GBE1: variants seen among roughly 807,000 people sequenced by gnomAD.
The protein encoded by GBE1 is 1,4-alpha-glucan branching enzyme 1, also known as 1,4-alpha-glucan-branching enzyme.
A neutral mutation model predicts 88.8 loss-of-function variants in GBE1; 70 were observed. That is an observed-to-expected ratio of 0.79 (90% CI 0.65 to 0.96). The LOEUF (loss-of-function observed/expected upper bound fraction) is 0.96, where lower values mean the gene tolerates loss of function less well. Ranked by LOEUF, GBE1 falls within the 40% of genes least tolerant of loss-of-function variation. The pLI, the probability that GBE1 is intolerant of heterozygous loss-of-function variation, is 0.00. For synonymous variants in GBE1, 284 were observed against 300.1 expected (o/e 0.95, Z 0.56); for missense variants, 872 against 871.0 (o/e 1.00, Z -0.01).
intron 1 of GBE1, among the ~76,000 whole-genome samples, chr3:81,709,724 ACTAAGTAT>A (rs1705829919): frequency 6.6e-6 from 1 of 152,298 alleles, no homozygotes; most frequent in African/African-American, 2.4e-5. Flanking sequence ...TATTACTTTA[ACTAAGTAT>A]CTTGACTTCC....
intron 12 of GBE1, among the ~76,000 whole-genome samples, chr3:81,575,885 C>T (rs957240927): frequency 6.6e-6 from 1 of 152,056 alleles, no homozygotes; most frequent in African/African-American, 2.4e-5. Context: ...GTATTTGTTA[C>T]TTTAAAAAAA....
At chr3:81,610,266 T>G (rs1294133481) in intron 7 of GBE1, among the ~76,000 whole-genome samples, 2 of 152,200 alleles carry the variant, frequency 1.3e-5, no homozygotes, top group South Asian at 2.1e-4. Context: ...TGATACAGCA[T>G]GTTAATCAGT....
At chr3:81,737,375 A>G (rs1437109476) in intron 1 of GBE1, among the ~76,000 whole-genome samples, 147 of 35,004 alleles carry the variant, frequency 4.2e-3, no homozygotes, top group Non-Finnish European at 7.6e-3. Context: ...ATTTATATAT[A>G]TTTTTATATA....
At chr3:81,752,269 T>C (rs1241055436) in intron 1 of GBE1, among the ~76,000 whole-genome samples, 4 of 152,204 alleles carry the variant, frequency 2.6e-5, no homozygotes, top group Non-Finnish European at 5.9e-5. Context: ...ATATCATATG[T>C]TCAGACTCCA....
chr3:81,557,532 AAAG>A (rs1255964739), intron 12 of GBE1, among the ~76,000 whole-genome samples: 4 of 152,036 alleles, frequency 2.6e-5, no homozygotes, highest in African/African-American at 4.8e-5. Flanking sequence ...GGACAAAAAG[AAAG>A]AAGAAGAAAG....
intron 6 of GBE1, among the ~76,000 whole-genome samples, chr3:81,644,105 A>G (rs550765334): frequency 4.9e-4 from 75 of 151,848 alleles, no homozygotes; most frequent in Admixed American, 2.0e-3. Context: ...TTTGTTTGCC[A>G]CTTACTAAAG....
intron 12 of GBE1, among the ~76,000 whole-genome samples, chr3:81,572,758 A>G (rs1254767577): frequency 6.6e-6 from 1 of 152,142 alleles, no homozygotes; most frequent in East Asian, 1.9e-4. Context: ...AAAATCCTTT[A>G]ATGCCCTTAT....
chr3:81,585,154 T>C (rs1299717347), intron 10 of GBE1, among the ~76,000 whole-genome samples: 1 of 152,122 alleles, frequency 6.6e-6, no homozygotes, highest in Non-Finnish European at 1.5e-5. Context: ...GTTTAAGGAA[T>C]TATTATAAAT....
chr3:81,625,238 C>G (rs2107021323), intron 7 of GBE1, among the ~76,000 whole-genome samples: 1 of 152,250 alleles, frequency 6.6e-6, no homozygotes, highest in East Asian at 1.9e-4. Flanking sequence ...ATCTAAGACT[C>G]TAGACACTAC....
In GBE1 at chr3:81,643,021, T is replaced by C. The variant is rs1475040825; in HGVS notation, c.783-31A>G. The C allele has an allele frequency of 7.6e-6, 11 of 1,438,266 alleles. No homozygotes were observed. The South Asian group carries it at 1.1e-4, about 14-fold the overall frequency. The allele number at this position is 1,438,266 out of a possible 1,614,324, so 89.1% of individuals were successfully genotyped here. A position where few individuals can be genotyped will look rare whatever the true frequency, so the allele number is the denominator to read the frequency against. Reference sequence around the variant, plus strand: ...AATGAAGAACACAGCAAAAAGAAGATTACATCACATTTAGAGGAAACAGCC... The same window carrying C: ...AATGAAGAACACAGCAAAAAGAAGACTACATCACATTTAGAGGAAACAGCC... On this transcript the variant is annotated intron_variant, in intron 6 of 15. Transcript: ENST00000429644.
chr3:81,673,204 A>T (rs570656057), intron 2 of GBE1, among the ~76,000 whole-genome samples: 64 of 152,044 alleles, frequency 4.2e-4, no homozygotes, highest in Admixed American at 1.6e-3. Context: ...GTACTAGAAC[A>T]CTATATGATT....
chr3:81,623,872 T>C (rs1704365985), intron 7 of GBE1, among the ~76,000 whole-genome samples: 1 of 152,164 alleles, frequency 6.6e-6, no homozygotes, highest in Non-Finnish European at 1.5e-5. Flanking sequence ...GGTCTCACTA[T>C]GTTGCCCAGG....
chr3:81,747,310 C>T (rs1244441950), intron 1 of GBE1, among the ~76,000 whole-genome samples: 1 of 152,048 alleles, frequency 6.6e-6, no homozygotes, highest in Non-Finnish European at 1.5e-5. Context: ...AAAGACAAGC[C>T]ACAGACAGAA....
At chr3:81,586,478 T>C (rs1455957641) in intron 9 of GBE1, among the ~76,000 whole-genome samples, 1 of 152,200 alleles carries the variant, frequency 6.6e-6, no homozygotes, top group Non-Finnish European at 1.5e-5. Context: ...ACATAGTTTC[T>C]TATTTTTGAA....
intron 7 of GBE1, among the ~76,000 whole-genome samples, chr3:81,614,089 A>G (rs906454937): frequency 1.3e-5 from 2 of 152,108 alleles, no homozygotes; most frequent in Non-Finnish European, 2.9e-5. Context: ...ATCATGGCTC[A>G]CTGCAGCCTG....
chr3:81,709,955 T>C lies in GBE1; in HGVS notation c.144-4342A>G, dbSNP rs577020841. ...GGTAACCAAGAACATAAAATGAAAC[T>C]ACTACAGGAACTAGCATTTTGTATA... On this transcript the variant is annotated intron_variant, in intron 1 of 15. Transcript: ENST00000429644. 2.8e-4 allele frequency among the ~76,000 whole-genome samples: 43 copies of C among 152,262 alleles called. No homozygotes were observed. The South Asian group carries it at 8.9e-3, about 32-fold the overall frequency.
chr3:81,568,175 T>G (rs1326256708), intron 12 of GBE1, among the ~76,000 whole-genome samples: 1 of 151,794 alleles, frequency 6.6e-6, no homozygotes, highest in Non-Finnish European at 1.5e-5. Flanking sequence ...TGAGATGGAG[T>G]CTCGCTCTGG....
intron 12 of GBE1, among the ~76,000 whole-genome samples, chr3:81,572,408 G>A (rs1164819038): frequency 6.6e-6 from 1 of 152,114 alleles, no homozygotes; most frequent in East Asian, 1.9e-4. Context: ...ATCTTTCTGA[G>A]AAGCCAGAAA....
At chr3:81,589,575 G>A (rs1000568239) in intron 9 of GBE1, among the ~76,000 whole-genome samples, 3 of 151,142 alleles carry the variant, frequency 2.0e-5, no homozygotes, top group Admixed American at 6.6e-5. Context: ...AGTTTCATTG[G>A]TAGAAACACT....
Sources: allele counts gnomAD v4.1 joint callset (sites outside exome capture counted in the v4.1 genomes callset), GRCh38; gene constraint gnomAD v4.1.1; transcripts MANE v1.5; gene names NCBI Gene and HGNC (gene_info 2026-07-23, HGNC 2026-07-21).